The following CACNB2 variants were observed in gnomAD, a reference collection of about 807,000 sequenced individuals.
CACNB2 encodes voltage-dependent L-type calcium channel subunit beta-2.
A neutral mutation model predicts 73.3 loss-of-function variants in CACNB2; 42 were observed. The observed-to-expected ratio is 0.57, with a 90% CI of 0.45 to 0.74. The LOEUF (loss-of-function observed/expected upper bound fraction) is 0.74. Among genes scored for constraint, CACNB2 ranks in the 30% least tolerant of loss-of-function variants. The pLI is 0.00. For synonymous variants in CACNB2, 348 were observed against 310.3 expected (o/e 1.12, Z -1.28); for missense variants, 940 against 853.0 (o/e 1.10, Z -1.27).
intron 1 of CACNB2, among the ~76,000 whole-genome samples, chr10:18,149,404 C>T (rs1326926443): frequency 2.0e-5 from 3 of 152,164 alleles, no homozygotes; most frequent in Admixed American, 6.5e-5. Context: ...ACCAGCGTAG[C>T]TTTCTTGCCG....
At chr10:18,179,244 G>T (rs1171831121) in intron 2 of CACNB2, among the ~76,000 whole-genome samples, 1 of 152,162 alleles carries the variant, frequency 6.6e-6, no homozygotes, top group East Asian at 1.9e-4. Context: ...GACAGAAAAA[G>T]AAAGGGTTTA....
At chr10:18,472,399 G>C (rs374741387) in intron 3 of CACNB2, among the ~76,000 whole-genome samples, 2 of 151,952 alleles carry the variant, frequency 1.3e-5, no homozygotes, top group African/African-American at 4.8e-5. Context: ...ACCATACATG[G>C]CTAATTTTTG....
intron 3 of CACNB2, among the ~76,000 whole-genome samples, chr10:18,461,460 G>C (rs958536604): frequency 6.6e-6 from 1 of 151,698 alleles, no homozygotes; most frequent in Non-Finnish European, 1.5e-5. Flanking sequence ...ATTCTATCAA[G>C]ATATATTTAT....
chr10:18,421,604 A>G (rs1437176038), intron 3 of CACNB2, among the ~76,000 whole-genome samples: 1 of 152,058 alleles, frequency 6.6e-6, no homozygotes, highest in Non-Finnish European at 1.5e-5. Flanking sequence ...CTGGCCCAGT[A>G]TGGTATTTTT....
At chr10:18,380,467 T>G (rs1189059059) in intron 2 of CACNB2, among the ~76,000 whole-genome samples, 2 of 147,844 alleles carry the variant, frequency 1.4e-5, no homozygotes, top group East Asian at 3.9e-4. Context: ...TTTTTTTTTT[T>G]TTTTTGAGAT....
At chr10:18,439,218 G>A (rs1304092147) in intron 3 of CACNB2, among the ~76,000 whole-genome samples, 7 of 152,212 alleles carry the variant, frequency 4.6e-5, no homozygotes, top group Non-Finnish European at 2.9e-5. Context: ...TTCACGAGAT[G>A]CTGAATTGCA....
chr10:18,410,719 T>A (rs1308589711), intron 3 of CACNB2, among the ~76,000 whole-genome samples: 2 of 152,064 alleles, frequency 1.3e-5, no homozygotes, highest in Non-Finnish European at 2.9e-5. Context: ...CGGTGGCTCA[T>A]GCCTGTAATC....
At chr10:18,341,720 T>C (rs12573736) in intron 2 of CACNB2, among the ~76,000 whole-genome samples, 25,375 of 152,180 alleles carry the variant, frequency 0.17, 2,412 homozygotes, top group Middle Eastern at 0.24. Context: ...GTCTAAAAAT[T>C]ATTTTAAGTA....
intron 3 of CACNB2, among the ~76,000 whole-genome samples, chr10:18,433,873 TTTG>T (rs143561512): frequency 0.61 from 92,025 of 149,812 alleles, 28,312 homozygotes; most frequent in Middle Eastern, 0.72. Context: ...TAAATCAGAT[TTTG>T]TTGTTGTTGT....
intron 2 of CACNB2, among the ~76,000 whole-genome samples, chr10:18,218,273 G>A (rs544340172): frequency 6.6e-6 from 1 of 152,280 alleles, no homozygotes; most frequent in Admixed American, 6.5e-5. Flanking sequence ...ATAATATTTT[G>A]ACAAATCAAT....
chr10:18,378,867 T>C (rs779928948), intron 2 of CACNB2, among the ~76,000 whole-genome samples: 70 of 152,252 alleles, frequency 4.6e-4, no homozygotes, highest in Admixed American at 9.2e-4. Flanking sequence ...AACCAAAAAT[T>C]ACCTCCCTTC....
At chr10:18,499,249 C>T (rs769778240) in intron 4 of CACNB2, among the ~76,000 whole-genome samples, 10 of 152,222 alleles carry the variant, frequency 6.6e-5, no homozygotes, top group Non-Finnish European at 1.3e-4. Flanking sequence ...TATAATATGT[C>T]ATAGGAAGTA....
At chr10:18,485,946 A>G (rs574435159) in intron 3 of CACNB2, among the ~76,000 whole-genome samples, 123 of 150,004 alleles carry the variant, frequency 8.2e-4, no homozygotes, top group African/African-American at 2.9e-3. Flanking sequence ...CTCTAAAAAG[A>G]GCAAATTGAG....
chr10:18,524,003 AGT>A (rs2052187507), intron 9 of CACNB2, among the ~76,000 whole-genome samples: 1 of 152,146 alleles, frequency 6.6e-6, no homozygotes, highest in East Asian at 1.9e-4. Flanking sequence ...AAGTAGTGTC[AGT>A]GTGTCAGATC....
chr10:18,338,582 T>C (rs909052902), intron 2 of CACNB2, among the ~76,000 whole-genome samples: 5 of 152,152 alleles, frequency 3.3e-5, no homozygotes, highest in Admixed American at 1.3e-4. Context: ...TCCAAAATTT[T>C]ATCCACTTTT....
At chr10:18,287,598 C>A (rs1004773286) in intron 2 of CACNB2, among the ~76,000 whole-genome samples, 1 of 152,174 alleles carries the variant, frequency 6.6e-6, no homozygotes, top group African/African-American at 2.4e-5. Context: ...CGCCTGTAAT[C>A]CCAGCACTTT....
In CACNB2 at chr10:18,140,659, G is replaced by A. The variant is rs1181029933; in HGVS notation, c.-78G>A. 7 of 1,314,300 alleles carry A rather than the reference G, an allele frequency of 5.3e-6. No individual in the cohort carries two copies. Among genetic ancestry groups the A allele is most frequent in the Non-Finnish European group, 6.4e-6 (6 of 933,428 alleles). The allele number at this position is 1,314,300 out of a possible 1,614,324, so 81.4% of individuals were successfully genotyped here. A position where few individuals can be genotyped will look rare whatever the true frequency, so the allele number is the denominator to read the frequency against. On this transcript the variant is annotated 5_prime_UTR_variant, in exon 1 of 14. Coordinates refer to ENST00000324631, the MANE Select transcript of CACNB2 (RefSeq NM_201596.3). ...TGGGCGGCCCCCAGAGCCGATCAGA[G>A]CGCGGGGAGGCGGGGGCGAGGAGGA...
Position 18,323,541 on chromosome 10 carries a change from G to A in CACNB2, c.214-78383G>A, listed in dbSNP as rs190769624. On this transcript the variant is annotated intron_variant, in intron 2 of 13. Coordinates refer to ENST00000324631, the MANE Select transcript of CACNB2 (RefSeq NM_201596.3). Reference sequence around the variant, plus strand: ...GGAACACTCATCGAATCATAGTATAGTAATGTTCATAAGTATGAATCTGAA... The same window carrying A: ...GGAACACTCATCGAATCATAGTATAATAATGTTCATAAGTATGAATCTGAA... Among the ~76,000 whole-genome samples, 698 of 152,126 alleles carry A rather than the reference G, an allele frequency of 4.6e-3. 5 individuals carry two copies. Among genetic ancestry groups the A allele is most frequent in the African/African-American group, 0.016 (663 of 41,504 alleles).
In CACNB2 at chr10:18,172,924, C is replaced by CTTTTTTTTTTTTT. The variant is rs58345605; in HGVS notation, c.213+21952_213+21964dup. Among the ~76,000 whole-genome samples the CTTTTTTTTTTTTT allele has an allele frequency of 2.0e-3, 238 of 117,456 alleles. 5 individuals are homozygous for CTTTTTTTTTTTTT. The highest frequency in any genetic ancestry group is 7.6e-3 in the African/African-American group (229 of 30,106). The allele number at this position is 117,456 out of a possible 152,430, so 77.1% of individuals were successfully genotyped here. A position where few individuals can be genotyped will look rare whatever the true frequency, so the allele number is the denominator to read the frequency against. On this transcript the variant is annotated intron_variant, in intron 2 of 13. Coordinates refer to ENST00000324631, the MANE Select transcript of CACNB2 (RefSeq NM_201596.3). ...CTTCAAATAGGGAAAATAATAAGGC[C>CTTTTTTTTTTTTT]TTTTTTTTTTTTTTTAAATGGAGTT...
Sources: allele counts gnomAD v4.1 joint callset (sites outside exome capture counted in the v4.1 genomes callset), GRCh38; gene constraint gnomAD v4.1.1; transcripts MANE v1.5; gene names NCBI Gene and HGNC (gene_info 2026-07-23, HGNC 2026-07-21).